Variants in SOX5 observed in about 807,000 individuals in gnomAD.
SOX5 encodes the protein SRY-box transcription factor 5, also known as transcription factor SOX-5.
In SOX5, 9 loss-of-function variants were observed where a neutral mutation model predicts 92.0. The ratio of observed to expected loss-of-function variants is 0.10; its 90% CI spans 0.06 to 0.17. The LOEUF (loss-of-function observed/expected upper bound fraction) is 0.17, where lower values mean the gene tolerates loss of function less well. Ranked by LOEUF, SOX5 falls within the 10% of genes least tolerant of loss-of-function variation. SOX5 has a pLI of 1.00. For synonymous variants in SOX5, 344 were observed against 336.3 expected (o/e 1.02, Z -0.25); for missense variants, 642 against 944.5 (o/e 0.68, Z 4.20).
rs527931757 is a variant in SOX5 at position 23,978,678 on chromosome 12, T to TC, written c.-1-82655dup. Among the ~76,000 whole-genome samples, 490 of 152,332 alleles carry TC rather than the reference T, an allele frequency of 3.2e-3. 5 individuals carry two copies. The Middle Eastern group carries it at 0.048, about 15-fold the overall frequency. ...CCAATGGCAACTCAGATTTTTTTTT[T>TC]CACTCTGTGTTCTGTGTTCCATATC... On this transcript the variant is annotated intron_variant, in intron 4 of 4. Coordinates refer to the SOX5 transcript ENST00000446891.
At chr12:24,352,505 G>A (rs560183029) in intron 2 of SOX5, among the ~76,000 whole-genome samples, 195 of 152,240 alleles carry the variant, frequency 1.3e-3, no homozygotes, top group South Asian at 9.1e-3. Context: ...GGCTGGCGGC[G>A]GCTAGAGGTG....
intron 1 of SOX5, among the ~76,000 whole-genome samples, chr12:24,540,798 A>G (rs558905509): frequency 1.6e-4 from 24 of 152,252 alleles, no homozygotes; most frequent in Middle Eastern, 3.4e-3. Context: ...TTATAGTGCA[A>G]TCGTTGTTTT....
chr12:23,782,425 A>G (rs895304391), intron 3 of SOX5, among the ~76,000 whole-genome samples: 1 of 152,190 alleles, frequency 6.6e-6, no homozygotes, highest in Non-Finnish European at 1.5e-5. Flanking sequence ...GGAAACCTTA[A>G]GAATTTAACG....
At chr12:24,203,458 G>A (rs1957729639) in intron 4 of SOX5, among the ~76,000 whole-genome samples, 1 of 152,116 alleles carries the variant, frequency 6.6e-6, no homozygotes, top group African/African-American at 2.4e-5. Context: ...ATGCTTCTAG[G>A]CCCTCTCAGC....
At chr12:24,133,327 T>G (rs1949824598) in intron 4 of SOX5, among the ~76,000 whole-genome samples, 2 of 152,208 alleles carry the variant, frequency 1.3e-5, no homozygotes, top group African/African-American at 4.8e-5. Context: ...TTTTACAAAC[T>G]GTCCTATTGG....
chr12:24,036,517 T>G (rs1956053563), intron 4 of SOX5, among the ~76,000 whole-genome samples: 1 of 152,170 alleles, frequency 6.6e-6, no homozygotes, highest in Admixed American at 6.5e-5. Context: ...AAATCAGTTT[T>G]ATATGTGGGC....
chr12:23,778,089 T>C (rs897650582), intron 3 of SOX5, among the ~76,000 whole-genome samples: 4 of 152,228 alleles, frequency 2.6e-5, no homozygotes, highest in Middle Eastern at 3.2e-3. Flanking sequence ...GTCTTCATCA[T>C]GGAAACTTCC....
At chr12:23,999,138 C>CTGTG (rs1491483091) in intron 4 of SOX5, among the ~76,000 whole-genome samples, 1 of 61,696 alleles carries the variant, frequency 1.6e-5, no homozygotes, top group African/African-American at 5.4e-5. Flanking sequence ...ATAAAAAAGA[C>CTGTG]TCTGTGTGTG....
chr12:23,665,281 C>CT (rs34768360), intron 7 of SOX5, among the ~76,000 whole-genome samples, 163 bp downstream of exon 7: 133,541 of 151,868 alleles, frequency 0.88, 58,973 homozygotes, highest in Middle Eastern at 0.93. Flanking sequence ...AATCTAAGTC[C>CT]TTTAAGTACT....
intron 1 of SOX5, among the ~76,000 whole-genome samples, chr12:24,417,467 C>T (rs1458944449): frequency 1.3e-5 from 2 of 152,072 alleles, no homozygotes; most frequent in Non-Finnish European, 2.9e-5. Flanking sequence ...AAGATGATAC[C>T]ATGAAAGATG....
intron 4 of SOX5, among the ~76,000 whole-genome samples, chr12:24,078,220 A>G (rs1942890158): frequency 1.3e-5 from 2 of 152,126 alleles, no homozygotes. Context: ...ACAGTTTTAA[A>G]AAAAGGTGAC....
chr12:24,503,981 A>C (rs897758486), intron 1 of SOX5, among the ~76,000 whole-genome samples: 5 of 152,198 alleles, frequency 3.3e-5, no homozygotes, highest in South Asian at 2.1e-4. Context: ...ATTAAAAAAA[A>C]AACAACACAT....
intron 3 of SOX5, among the ~76,000 whole-genome samples, chr12:24,228,581 T>A (rs1962612991): frequency 6.6e-6 from 1 of 152,168 alleles, no homozygotes; most frequent in African/African-American, 2.4e-5. Flanking sequence ...AAATGCCAAC[T>A]CAACCCTGCA....
chr12:24,271,982 A>ACACAC (rs71448003), intron 3 of SOX5, among the ~76,000 whole-genome samples: 7 of 150,520 alleles, frequency 4.7e-5, no homozygotes, highest in South Asian at 2.1e-4. Flanking sequence ...CACACACACA[A>ACACAC]ACACACACAC....
At position 24,485,988 on chromosome 12, in the gene SOX5, T is replaced by C. The variant is rs558286539; in HGVS notation, c.-251+76341A>G. 9.2e-5 allele frequency among the ~76,000 whole-genome samples: 14 copies of C among 152,362 alleles called. No individual in the cohort carries two copies. In the South Asian group the frequency reaches 1.0e-3, roughly 11 times the overall value. On this transcript the variant is annotated intron_variant, in intron 1 of 4. Coordinates refer to the SOX5 transcript ENST00000446891. ...GCTGCTGCTGTTGAGACAGGGTATC[T>C]GTTGCCCAGGCTGGAATGCAGTGGT...
intron 1 of SOX5, among the ~76,000 whole-genome samples, chr12:24,470,311 G>T (rs1025352669): frequency 2.0e-5 from 3 of 152,106 alleles, no homozygotes; most frequent in Non-Finnish European, 4.4e-5. Context: ...AAGGCCAGTT[G>T]GCTAAAGATA....
At chr12:23,537,898 C>G (rs920107951) in intron 13 of SOX5, among the ~76,000 whole-genome samples, 15 of 149,908 alleles carry the variant, frequency 1.0e-4, no homozygotes, top group African/African-American at 3.4e-4. Context: ...TTCTGATGTT[C>G]GGATTGAGAG....
At chr12:24,246,342 T>C (rs1449307560) in intron 3 of SOX5, among the ~76,000 whole-genome samples, 1 of 152,014 alleles carries the variant, frequency 6.6e-6, no homozygotes, top group Non-Finnish European at 1.5e-5. Flanking sequence ...ATATCAGTCA[T>C]TGTCCGTCAT....
At chr12:24,294,933 T>C (rs1304724208) in intron 2 of SOX5, among the ~76,000 whole-genome samples, 1 of 152,182 alleles carries the variant, frequency 6.6e-6, no homozygotes, top group Non-Finnish European at 1.5e-5. Context: ...CACCAGGTCT[T>C]AACATCCACA....
Sources: allele counts gnomAD v4.1 joint callset (sites outside exome capture counted in the v4.1 genomes callset), GRCh38; gene constraint gnomAD v4.1.1; transcripts MANE v1.5; gene names NCBI Gene and HGNC (gene_info 2026-07-23, HGNC 2026-07-21).